Variants in MYLK4 observed in about 807,000 individuals in gnomAD.
MYLK4 encodes caMLCK like.
Under a neutral mutation model 48.1 loss-of-function variants are expected in MYLK4, and 46 were observed. The ratio of observed to expected loss-of-function variants is 0.96; its 90% confidence interval spans 0.75 to 1.22. The LOEUF (loss-of-function observed/expected upper bound fraction) is 1.22. MYLK4 is among the 50% of genes most tolerant of loss of function. MYLK4 has a pLI of 0.00. For synonymous variants in MYLK4, 170 were observed against 180.8 expected (o/e 0.94, Z 0.48); for missense variants, 451 against 486.1 (o/e 0.93, Z 0.68).
intron 2 of MYLK4, among the ~76,000 whole-genome samples, chr6:2,713,553 G>A (rs1442518852): frequency 6.6e-6 from 1 of 152,144 alleles, no homozygotes; most frequent in Non-Finnish European, 1.5e-5. Flanking sequence ...CCACTGCTTG[G>A]TGAAATAGGA....
intron 4 of MYLK4, among the ~76,000 whole-genome samples, chr6:2,686,083 G>GA (rs1657845238): frequency 1.5e-5 from 2 of 130,538 alleles, no homozygotes; most frequent in African/African-American, 5.5e-5. Context: ...AAAAAAAAAA[G>GA]AAGAAAGAAA....
chr6:2,762,604 G>C, the MYLK4 span, among the ~76,000 whole-genome samples: 9 of 152,166 alleles, frequency 5.9e-5, no homozygotes, highest in Non-Finnish European at 1.2e-4. Flanking sequence ...AACTTGTTTT[G>C]CAAGTATTCA....
intron 3 of MYLK4, 106 bp downstream of exon 3, chr6:2,692,678 T>C (rs989794814): frequency 2.5e-6 from 2 of 810,232 alleles, no homozygotes; most frequent in African/African-American, 3.6e-5. Context: ...ACATCACTTC[T>C]TCCTGCACAG....
In MYLK4 at chr6:2,664,917, G is replaced by A. The variant is rs1760586542; in HGVS notation, c.*3008C>T. On this transcript the variant is annotated 3_prime_UTR_variant, in exon 13 of 13. Transcript: ENST00000274643. ...GATTTTTAAATAGCAACAGATTCTG[G>A]GTAAGTGTTGGTGTCTTCCAAATTA... 6.6e-6 allele frequency: 1 copy of A among 152,166 alleles called. No individual in the cohort carries two copies. The highest frequency in any genetic ancestry group is 6.5e-5 in the Admixed American group (1 of 15,278). The allele number at this position is 152,166 out of a possible 1,614,324, so 9.4% of individuals were successfully genotyped here.
chr6:2,744,129 CT>C (rs1428982612), intron 2 of MYLK4: 5 of 315,524 alleles, frequency 1.6e-5, no homozygotes, highest in Non-Finnish European at 2.7e-5. Context: ...TCACCCTTTG[CT>C]CTGCCCTGAG....
intron 2 of MYLK4, among the ~76,000 whole-genome samples, chr6:2,745,216 A>T (rs1254385924): frequency 6.6e-6 from 1 of 152,198 alleles, no homozygotes; most frequent in African/African-American, 2.4e-5. Context: ...GGGGGTGTAT[A>T]TGAGACAGAG....
At chr6:2,739,647 C>T (rs1232158977) in intron 2 of MYLK4, among the ~76,000 whole-genome samples, 1 of 152,158 alleles carries the variant, frequency 6.6e-6, no homozygotes, top group African/African-American at 2.4e-5. Flanking sequence ...ACTGGCAAAT[C>T]AGATACTTTT....
Position 2,685,388 on chromosome 6 carries a change from C to T in MYLK4, c.453G>A (p.Glu151=). 2 of 1,612,556 alleles carry T rather than the reference C, an allele frequency of 1.2e-6. No homozygotes were observed. Among genetic ancestry groups the T allele is most frequent in the South Asian group, 2.2e-5 (2 of 91,042 alleles). The change falls in exon 6 of 13, where the codon GAG becomes GAA. Residue 151 remains glutamate (E), a synonymous_variant. Transcript: ENST00000274643. This position sits in a 1 kb window ranked among gnomAD's most constrained non-coding sequence, Gnocchi z 4.5. ...GGTCCAGCTGGTTCATGACGCTGAT[C>T]TCGTTCTTCACCTCCTCCTGAGAAG... is the stretch of plus-strand genomic sequence containing the variant. ...GMKDKEEVKN[E]ISVMNQLDHA... is the part of the protein sequence containing the mutation.
chr6:2,758,243 G>C, the MYLK4 span, among the ~76,000 whole-genome samples: 4 of 152,066 alleles, frequency 2.6e-5, no homozygotes, highest in Non-Finnish European at 4.4e-5. Flanking sequence ...TTAATCAACA[G>C]TGTAACATCA....
At chr6:2,767,626 C>T in the MYLK4 span, among the ~76,000 whole-genome samples, 1 of 152,216 alleles carries the variant, frequency 6.6e-6, no homozygotes, top group Non-Finnish European at 1.5e-5. Context: ...TAGTTGTTAA[C>T]CCCATTTAAG....
At chr6:2,687,536 T>A (rs1192149220) in intron 4 of MYLK4, among the ~76,000 whole-genome samples, 1 of 152,116 alleles carries the variant, frequency 6.6e-6, no homozygotes, top group Non-Finnish European at 1.5e-5. Flanking sequence ...CTATTCTCGG[T>A]TAGAGAAATA....
intron 2 of MYLK4, among the ~76,000 whole-genome samples, chr6:2,746,513 A>C (rs114771702): frequency 0.022 from 3,387 of 152,314 alleles, 132 homozygotes; most frequent in African/African-American, 0.077. Flanking sequence ...TAAGTTGTTA[A>C]ATCTATATAA....
At chr6:2,739,592 T>C (rs1035667391) in intron 2 of MYLK4, among the ~76,000 whole-genome samples, 4 of 152,190 alleles carry the variant, frequency 2.6e-5, no homozygotes, top group Admixed American at 2.6e-4. Context: ...ATTATGTTTA[T>C]ACTGGTATCC....
At chr6:2,763,288 A>T in the MYLK4 span, among the ~76,000 whole-genome samples, 1 of 152,222 alleles carries the variant, frequency 6.6e-6, no homozygotes, top group African/African-American at 2.4e-5. Context: ...TAATTTCTGA[A>T]CTGGGGCTGC....
chr6:2,734,346 G>A (rs73717416), intron 2 of MYLK4, among the ~76,000 whole-genome samples: 3,705 of 152,232 alleles, frequency 0.024, 145 homozygotes, highest in African/African-American at 0.085. Flanking sequence ...TTGATTGGGC[G>A]AGGAACTTGG....
chr6:2,718,695 C>T (rs1170875569), intron 2 of MYLK4, among the ~76,000 whole-genome samples: 1 of 152,198 alleles, frequency 6.6e-6, no homozygotes, highest in African/African-American at 2.4e-5. Flanking sequence ...AGCTCTGTTT[C>T]TAGAAGCTGC....
At chr6:2,713,997 C>T (rs1239090968) in intron 2 of MYLK4, among the ~76,000 whole-genome samples, 1 of 152,160 alleles carries the variant, frequency 6.6e-6, no homozygotes, top group African/African-American at 2.4e-5. Context: ...AAGAAAATAG[C>T]AAGCGTTGGC....
At chr6:2,695,442 A>C (rs1320304026) in intron 2 of MYLK4, among the ~76,000 whole-genome samples, 1 of 152,264 alleles carries the variant, frequency 6.6e-6, no homozygotes, top group South Asian at 2.1e-4. Context: ...AAAAGTCCAC[A>C]TGCTAACCCA....
chr6:2,749,449 T>C (rs143262571), intron 1 of MYLK4, 43 bp from the exon 2 acceptor site: 78 of 521,400 alleles, frequency 1.5e-4, no homozygotes, highest in African/African-American at 1.4e-3. Context: ...CACGTATTCA[T>C]GCATTTGACT....
Sources: gnomAD v4.1 joint callset for allele counts (sites outside exome capture counted in the v4.1 genomes callset) on GRCh38, gnomAD v4.1.1 for gene constraint, Gnocchi (gnomAD v3.1) non-coding constraint, MANE v1.5 for transcripts, NCBI Gene and HGNC (gene_info 2026-07-23, HGNC 2026-07-21) for gene names.